UTRN: variants seen among roughly 807,000 people sequenced by gnomAD.
UTRN encodes the protein dystrophin-related protein 1.
In UTRN, 283 loss-of-function variants were observed where a neutral mutation model predicts 463.9. The observed-to-expected ratio is 0.61, with a 90% confidence interval of 0.55 to 0.67. The LOEUF (loss-of-function observed/expected upper bound fraction) is 0.67. UTRN is among the 30% of genes least tolerant of loss of function. The pLI is 0.00. For synonymous variants in UTRN, 1,442 were observed against 1,431.5 expected, an observed-to-expected ratio of 1.01 and a Z score of -0.17; for missense variants, 3,922 against 4,084.3, an observed-to-expected ratio of 0.96 and a Z score of 1.08.
chr6:144,711,190 T>C (rs1785654754), intron 53 of UTRN, among the ~76,000 whole-genome samples: 1 of 152,000 alleles, frequency 6.6e-6, no homozygotes. Context: ...GGCGGGTGCC[T>C]ATCATCTCAG....
At chr6:144,746,634 A>G (rs1190102046) in intron 54 of UTRN, among the ~76,000 whole-genome samples, 3 of 151,252 alleles carry the variant, frequency 2.0e-5, no homozygotes, top group Non-Finnish European at 4.4e-5. Flanking sequence ...CCACCAGCAC[A>G]CCTGGCTAGT....
In UTRN at chr6:144,835,826, G is replaced by A. The variant is rs762799996; in HGVS notation, c.9712G>A (p.Gly3238Arg). Residue 3238 changes from glycine to arginine, a missense_variant, in exon 70 of 75, where the codon GGA becomes AGA. By Grantham distance (125) the Gly-to-Arg change is moderately radical. This residue lies in a region of UTRN where 1,309 missense variants were observed against 1,452.6 expected (regional missense o/e 0.90). Transcript: ENST00000367545. ...LIQQYCQTLG[G>R]ESPVSQPQSP... Reference sequence around the variant, plus strand: ...CCAGCAGTATTGCCAAACACTCGGAGGAGAGTCCCCAGTGAGCCAGCCGCA... The same window carrying A: ...CCAGCAGTATTGCCAAACACTCGGAAGAGAGTCCCCAGTGAGCCAGCCGCA... 1.2e-6 allele frequency: 2 copies of A among 1,614,124 alleles called. No homozygotes were observed. Among genetic ancestry groups the A allele is most frequent in the Admixed American group, 3.3e-5 (2 of 60,026 alleles).
rs1803612718 is a variant in UTRN, at chr6:144,285,831, T to A, written c.-93+10T>A. 6.6e-6 allele frequency: 1 copy of A among 152,232 alleles called. No homozygotes were observed. Among genetic ancestry groups the A allele is most frequent in the Admixed American group, 6.5e-5 (1 of 15,278 alleles). The allele number at this position is 152,232 out of a possible 1,614,324, so 9.4% of individuals were successfully genotyped here. A position where few individuals can be genotyped will look rare whatever the true frequency, so the allele number is the denominator to read the frequency against. ...GGCCCGCGGGCAGCAGGTAAGCCCA[T>A]GCATTATTGAAGCCTCGGGCTGGTA... On this transcript the variant is annotated intron_variant, in intron 1 of 74. Transcript: ENST00000367545.
At chr6:144,405,061 ATAGT>A (rs1299676504) in intron 3 of UTRN, among the ~76,000 whole-genome samples, 6 of 152,088 alleles carry the variant, frequency 3.9e-5, no homozygotes, top group South Asian at 2.1e-4. Context: ...AGTAAAAGTT[ATAGT>A]TAGTTTTAGC....
chr6:144,724,303 A>G (rs976891415), intron 53 of UTRN, among the ~76,000 whole-genome samples: 2 of 128,186 alleles, frequency 1.6e-5, no homozygotes, highest in African/African-American at 3.0e-5. Flanking sequence ...ATCTCAGCCC[A>G]CTGCAACCTC....
In UTRN at chr6:144,839,258, C is replaced by T. The variant is rs1414865472; in HGVS notation, c.10151C>T (p.Ala3384Val). The T allele has an allele frequency of 1.9e-6, 3 of 1,613,866 alleles. No homozygotes were observed. The highest frequency in any genetic ancestry group is 2.5e-6 in the Non-Finnish European group (3 of 1,179,944). The change falls in exon 72 of 75, where the codon GCC becomes GTC. Residue 3384 changes from alanine (A) to valine (V), a missense_variant. Around this residue, in one of 3 missense-constraint regions of UTRN, gnomAD observed 1,309 missense variants for 1,452.6 expected, o/e 0.90. Coordinates refer to ENST00000367545, the MANE Select transcript of UTRN (RefSeq NM_007124.3). ...CTGAGCTACTCGCTTGATCCAGATG[C>T]CTCCGGCCCACAGTTCCACCAGGCA... ...SALSYSLDPD[A>V]SGPQFHQAAG...
intron 51 of UTRN, chr6:144,660,197 A>G (rs1325756108): frequency 2.1e-6 from 1 of 470,804 alleles, no homozygotes; most frequent in African/African-American, 2.0e-5. Context: ...TTTGCCGGAA[A>G]GATGTAGGCT....
intron 2 of UTRN, among the ~76,000 whole-genome samples, chr6:144,335,156 T>C (rs1776624269): frequency 1.3e-5 from 2 of 152,234 alleles, no homozygotes; most frequent in Non-Finnish European, 2.9e-5. Flanking sequence ...GATTTACTAC[T>C]GGACATTCTC....
intron 2 of UTRN, among the ~76,000 whole-genome samples, chr6:144,337,164 GACAC>G (rs925020119): frequency 1.1e-4 from 15 of 135,216 alleles, no homozygotes; most frequent in Admixed American, 6.4e-4. Flanking sequence ...CACACACACA[GACAC>G]ACACACACAG....
intron 41 of UTRN, among the ~76,000 whole-genome samples, chr6:144,525,233 A>G (rs1409276028): frequency 6.6e-6 from 1 of 151,964 alleles, no homozygotes; most frequent in East Asian, 1.9e-4. Flanking sequence ...CTCTTTCTCT[A>G]TCTTTTGGAT....
At chr6:144,571,713 CTA>C (rs913292949) in intron 50 of UTRN, among the ~76,000 whole-genome samples, 3 of 152,114 alleles carry the variant, frequency 2.0e-5, no homozygotes, top group Non-Finnish European at 2.9e-5. Context: ...ATTTTGTTTC[CTA>C]TGTGTTTGTT....
intron 7 of UTRN, among the ~76,000 whole-genome samples, chr6:144,427,045 A>G (rs1785358246): frequency 6.6e-6 from 1 of 152,184 alleles, no homozygotes; most frequent in Non-Finnish European, 1.5e-5. Flanking sequence ...GAAATTGCCG[A>G]CATGTGAGTG....
At chr6:144,465,188 G>A (rs1226463174) in intron 23 of UTRN, among the ~76,000 whole-genome samples, 1 of 152,196 alleles carries the variant, frequency 6.6e-6, no homozygotes, top group Non-Finnish European at 1.5e-5. Context: ...TCAGATTTAA[G>A]TCCAAAGTAT....
At chr6:144,474,989 C>T (rs560593820) in intron 25 of UTRN, among the ~76,000 whole-genome samples, 1 of 152,310 alleles carries the variant, frequency 6.6e-6, no homozygotes, top group African/African-American at 2.4e-5. Context: ...TTAAATCTGG[C>T]TTGAAACACA....
intron 4 of UTRN, 71 bp downstream of exon 4, chr6:144,422,041 C>A: frequency 7.8e-7 from 1 of 1,280,002 alleles, no homozygotes; most frequent in Non-Finnish European, 1.1e-6. Flanking sequence ...AGTGTGGGTA[C>A]CCATTAAAGT....
chr6:144,646,239 T>G (rs1273561164), intron 51 of UTRN, among the ~76,000 whole-genome samples: 1 of 152,218 alleles, frequency 6.6e-6, no homozygotes, highest in Non-Finnish European at 1.5e-5. Flanking sequence ...AACCTTCATT[T>G]ATTTAGTAGA....
chr6:144,411,569 G>C (rs996447725), intron 3 of UTRN, among the ~76,000 whole-genome samples: 1 of 152,028 alleles, frequency 6.6e-6, no homozygotes, highest in Non-Finnish European at 1.5e-5. Context: ...CCAAAATCGA[G>C]GTAAACATTC....
chr6:144,527,889 G>A (rs1249530549), intron 41 of UTRN, among the ~76,000 whole-genome samples: 2 of 152,014 alleles, frequency 1.3e-5, no homozygotes, highest in Middle Eastern at 3.2e-3. Context: ...CATATGCTGT[G>A]TCATTGTTTT....
Position 144,537,570 on chromosome 6 carries a change from A to G in UTRN, c.6234-12A>G. 1 of 1,519,816 alleles carries G rather than the reference A, an allele frequency of 6.6e-7. No individual in the cohort carries two copies. The highest frequency in any genetic ancestry group is 8.8e-7 in the Non-Finnish European group (1 of 1,137,098). The allele number at this position is 1,519,816 out of a possible 1,614,324, so 94.1% of individuals were successfully genotyped here. ...TTTTTCCTCAATATTTTTAAATAAT[A>G]TATTCTTTTAGGCTAAAAGGAGAAA... On this transcript the variant is annotated splice_polypyrimidine_tract_variant and intron_variant, in intron 43 of 74. Coordinates refer to ENST00000367545, the MANE Select transcript of UTRN (RefSeq NM_007124.3).
Sources: gnomAD v4.1 joint callset for allele counts (sites outside exome capture counted in the v4.1 genomes callset) on GRCh38, gnomAD v4.1.1 for gene constraint, gnomAD v4.1.1 regional missense constraint, MANE v1.5 for transcripts, NCBI Gene and HGNC (gene_info 2026-07-23, HGNC 2026-07-21) for gene names.